The following HLA-F variants were observed in gnomAD, a reference collection of about 807,000 sequenced individuals.
The protein encoded by HLA-F is major histocompatibility complex, class I, F.
Under a neutral mutation model 49.5 loss-of-function variants are expected in HLA-F, and 46 were observed. The observed-to-expected ratio is 0.93, with a 90% confidence interval of 0.73 to 1.19. HLA-F has a LOEUF of 1.19. Ranked by LOEUF, HLA-F falls within the 50% of genes most tolerant of loss-of-function variation. The pLI, the probability that HLA-F is intolerant of heterozygous loss-of-function variation, is 0.00. For synonymous variants in HLA-F, 203 were observed against 233.5 expected (o/e 0.87, Z 1.19); for missense variants, 496 against 579.6 (o/e 0.86, Z 1.48).
chr6:29,731,721 C>T (rs2523401), downstream of HLA-F, among the ~76,000 whole-genome samples: 22,149 of 148,322 alleles, frequency 0.15, 1,793 homozygotes, highest in Admixed American at 0.18. Context: ...CATCCCTTAA[C>T]CCAGTCAATA....
downstream of HLA-F, among the ~76,000 whole-genome samples, chr6:29,729,538 A>T (rs59906331): frequency 5.3e-3 from 806 of 152,362 alleles, 17 homozygotes; most frequent in East Asian, 0.037. Context: ...TTCAACCTAT[A>T]AATCTTTTAG....
downstream of HLA-F, chr6:29,728,868 A>T (rs1373381561): frequency 6.6e-6 from 1 of 152,190 alleles, no homozygotes; most frequent in East Asian, 1.9e-4. Context: ...CTCTCCCTTC[A>T]GCGACGCATT....
At position 29,725,075 on chromosome 6, in the gene HLA-F, G is replaced by A. The variant is rs1164368799; in HGVS notation, c.655G>A (p.Glu219Lys). The change falls in exon 4 of 7, where the codon GAG (glutamate) becomes AAG (lysine). Residue 219 changes from glutamate to lysine, a missense_variant. Physicochemically the swap from Glu to Lys is moderately conservative, Grantham distance 56. Coordinates refer to ENST00000259951, the MANE Select transcript of HLA-F (RefSeq NM_001098479.2). ...HVAHHPISDH[E>K]ATLRCWALGF... is the part of the protein sequence containing the mutation. Reference sequence around the variant, plus strand: ...TGCCCACCACCCCATCTCTGACCATGAGGCCACCCTGAGGTGCTGGGCCCT... The same window carrying A: ...TGCCCACCACCCCATCTCTGACCATAAGGCCACCCTGAGGTGCTGGGCCCT... The A allele has an allele frequency of 6.2e-7, 1 of 1,613,908 alleles. No homozygotes were observed. Among genetic ancestry groups the A allele is most frequent in the Admixed American group, 1.7e-5 (1 of 60,006 alleles).
intron 5 of HLA-F, 83 bp from the exon 6 acceptor site, chr6:29,725,928 G>T: frequency 1.4e-6 from 2 of 1,451,082 alleles, no homozygotes; most frequent in South Asian, 2.3e-5. Flanking sequence ...AAACTTCTCT[G>T]GGATCAAAGA....
Position 29,723,945 on chromosome 6 carries a change from G to C in HLA-F, c.334+18G>C. On this transcript the variant is annotated intron_variant, in intron 2 of 6. Coordinates refer to ENST00000259951, the MANE Select transcript of HLA-F (RefSeq NM_001098479.2). ...CGAGGCTGGTGAGTGAACCCGGCCGGGGGCGCAGGTCACGACCACCCCCCA... is the reference window on the plus strand; with the variant it reads ...CGAGGCTGGTGAGTGAACCCGGCCGCGGGCGCAGGTCACGACCACCCCCCA... The C allele has an allele frequency of 1.9e-6, 3 of 1,582,882 alleles. No individual in the cohort carries two copies.
At chr6:29,727,913 C>A (rs1456055138), downstream of HLA-F, 5 of 505,990 alleles carry the variant, frequency 9.9e-6, no homozygotes, top group African/African-American at 4.0e-5. Flanking sequence ...TTCTCCAGCC[C>A]CACTCTGCTT....
intron 3 of HLA-F, chr6:29,735,042 ATGT>A (rs1317665892): frequency 6.6e-6 from 1 of 152,094 alleles, no homozygotes; most frequent in Non-Finnish European, 1.5e-5. Context: ...AATACACTAC[ATGT>A]TGTTTATTCA....
chr6:29,731,462 A>ATCAG (rs9280683), downstream of HLA-F, among the ~76,000 whole-genome samples: 2 of 152,132 alleles, frequency 1.3e-5, no homozygotes, highest in African/African-American at 4.8e-5. Context: ...GCAACACTCA[A>ATCAG]GAGTCCAAAG....
chr6:29,723,568 G>C (rs754089399), intron 1 of HLA-F, 41 bp downstream of exon 1: 1 of 1,601,428 alleles, frequency 6.2e-7, no homozygotes, highest in Non-Finnish European at 8.5e-7. Context: ...CTGTGGGGAG[G>C]AGTGAGGGGC....
chr6:29,727,366 T>C (rs1357597715), downstream of HLA-F: 2 of 492,080 alleles, frequency 4.1e-6, no homozygotes, highest in Non-Finnish European at 7.0e-6. Flanking sequence ...TTTTATAGCT[T>C]GTTTTCTTAA....
At chr6:29,724,940 G>T (rs1775854781) in intron 3 of HLA-F, 91 bp from the exon 4 acceptor site, 1 of 1,430,636 alleles carries the variant, frequency 7.0e-7, no homozygotes, top group African/African-American at 1.4e-5. Context: ...CCCACCCCAG[G>T]TGTCCTGTCC....
chr6:29,732,991 C>G (rs1776752610), intron 3 of HLA-F, among the ~76,000 whole-genome samples: 1 of 151,994 alleles, frequency 6.6e-6, no homozygotes, highest in Admixed American at 6.5e-5. Context: ...AGTTCGAGAC[C>G]AGACTGGCCA....
rs1337939704 is a variant in HLA-F, at chr6:29,723,509, C to T, written c.46C>T (p.Leu16=). ...LLLLLSGALA[L]TDTWAGSHSL... ...CCTGCTGCTCTCAGGGGCCCTGGCC[C>T]TGACCGATACTTGGGCGGGTGAGTG... The change falls in exon 1 of 7, where the codon CTG becomes TTG. Residue 16 remains leucine, a synonymous_variant. Coordinates refer to ENST00000259951, the MANE Select transcript of HLA-F (RefSeq NM_001098479.2). 1.9e-6 allele frequency: 3 copies of T among 1,613,214 alleles called. No individual in the cohort carries two copies. Among genetic ancestry groups the T allele is most frequent in the African/African-American group, 1.3e-5 (1 of 75,014 alleles).
downstream of HLA-F, chr6:29,728,153 C>T: frequency 2.0e-6 from 1 of 498,340 alleles, no homozygotes; most frequent in Non-Finnish European, 4.0e-6. Context: ...CCCAATCACC[C>T]ACATAACAGA....
intron 6 of HLA-F, chr6:29,726,270 G>T (rs1354502140): frequency 3.8e-6 from 4 of 1,044,472 alleles, no homozygotes; most frequent in Non-Finnish European, 6.1e-6. Flanking sequence ...GGGGTGTTGG[G>T]GGGGAACAGA....
chr6:29,737,438 A>G (rs1285271647), intron 3 of HLA-F, among the ~76,000 whole-genome samples: 3 of 152,158 alleles, frequency 2.0e-5, no homozygotes, highest in Non-Finnish European at 2.9e-5. Flanking sequence ...AAACTAAACT[A>G]TAACTTTAGA....
At chr6:29,727,885 C>A, downstream of HLA-F, 1 of 498,738 alleles carries the variant, frequency 2.0e-6, no homozygotes, top group Admixed American at 2.0e-5. Context: ...CCCTCCAGAC[C>A]TAGACTCCCT....
At chr6:29,724,504 C>T (rs1239396507) in intron 3 of HLA-F, 56 bp downstream of exon 3, 4 of 1,579,518 alleles carry the variant, frequency 2.5e-6, no homozygotes, top group Admixed American at 1.7e-5. Flanking sequence ...GGGATGGCCT[C>T]GCACAAGGTT....
At chr6:29,730,544 A>T (rs1313450644), downstream of HLA-F, among the ~76,000 whole-genome samples, 1 of 152,218 alleles carries the variant, frequency 6.6e-6, no homozygotes, top group African/African-American at 2.4e-5. Flanking sequence ...AAGGTAAATT[A>T]CATGGTATGT....
Sources: allele counts gnomAD v4.1 joint callset (sites outside exome capture counted in the v4.1 genomes callset), GRCh38; gene constraint gnomAD v4.1.1; transcripts MANE v1.5; gene names NCBI Gene and HGNC (gene_info 2026-07-23, HGNC 2026-07-21).